Variants in NOP14 observed in about 807,000 individuals in gnomAD.
NOP14 encodes the protein NOP14 nucleolar protein.
NOP14 carries 57 observed loss-of-function variants against 101.6 expected under a neutral mutation model. The ratio of observed to expected loss-of-function variants is 0.56; its 90% CI spans 0.45 to 0.70. The LOEUF is 0.70. NOP14 is among the 30% of genes least tolerant of loss of function. NOP14 has a pLI of 0.00. For synonymous variants in NOP14, 428 were observed against 424.0 expected, an observed-to-expected ratio of 1.01 and a Z score of -0.12; for missense variants, 1,134 against 1,075.5, an observed-to-expected ratio of 1.05 and a Z score of -0.76.
Position 2,953,492 on chromosome 4 carries a change from T to G in NOP14, c.747+19A>C. The G allele has an allele frequency of 6.2e-7, 1 of 1,613,526 alleles. No individual in the cohort carries two copies. The highest frequency in any genetic ancestry group is 8.5e-7 in the Non-Finnish European group (1 of 1,179,694). On this transcript the variant is annotated intron_variant, in intron 5 of 17. Transcript: ENST00000416614. Reference sequence around the variant, plus strand: ...CAAGCTCAGTGAGTGAAGAGTTTGTTTCAGTACTTGGCTCCCACCTTGGGT... The same window carrying G: ...CAAGCTCAGTGAGTGAAGAGTTTGTGTCAGTACTTGGCTCCCACCTTGGGT...
intron 4 of NOP14, among the ~76,000 whole-genome samples, chr4:2,954,032 G>A (rs767434670): frequency 2.6e-5 from 4 of 152,082 alleles, no homozygotes; most frequent in Non-Finnish European, 5.9e-5. Flanking sequence ...GACACAGCAC[G>A]ATCCCCATCT....
intron 13 of NOP14, among the ~76,000 whole-genome samples, chr4:2,942,791 C>T (rs144125356): frequency 0.015 from 2,237 of 152,114 alleles, 50 homozygotes; most frequent in South Asian, 0.098. Flanking sequence ...TCGGGGGTGA[C>T]GGTGGAGGGC....
At chr4:2,955,125 G>A (rs1263511738) in intron 3 of NOP14, among the ~76,000 whole-genome samples, 2 of 139,258 alleles carry the variant, frequency 1.4e-5, no homozygotes, top group Admixed American at 7.1e-5. Flanking sequence ...GCGCCACAGC[G>A]CCCCCTCTAG....
chr4:2,947,402 T>C, intron 10 of NOP14, 124 bp downstream of exon 10: 2 of 721,806 alleles, frequency 2.8e-6, no homozygotes, highest in East Asian at 2.7e-5. Flanking sequence ...CCTGCCCACT[T>C]GGCATGCTGA....
Position 2,938,589 on chromosome 4 carries a change from A to AC in NOP14, c.*241dup, listed in dbSNP as rs900056454. The AC allele has an allele frequency of 1.9e-6, 1 of 522,040 alleles. No individual in the cohort carries two copies. Among genetic ancestry groups the AC allele is most frequent in the African/African-American group, 1.9e-5 (1 of 52,190 alleles). 32.3% of individuals were successfully genotyped at this position (522,040 alleles called of 1,614,324 possible). On this transcript the variant is annotated 3_prime_UTR_variant, in exon 18 of 18. Coordinates refer to ENST00000416614, the MANE Select transcript of NOP14 (RefSeq NM_001291978.2). Reference sequence around the variant, plus strand: ...AGTGGCTCAATCACGGCTCACTGTAACCTTGGACTCAGCTCAAGCAGTCCT... The same window carrying AC: ...AGTGGCTCAATCACGGCTCACTGTAACCCTTGGACTCAGCTCAAGCAGTCCT...
intron 1 of NOP14, among the ~76,000 whole-genome samples, chr4:2,959,408 T>A (rs143152587): frequency 4.7e-4 from 72 of 152,060 alleles, no homozygotes; most frequent in Middle Eastern, 3.4e-3. Context: ...CTGGGTAACA[T>A]GGTGAAACCC....
In NOP14 at chr4:2,963,109, T is replaced by A; in HGVS notation, c.195+16A>T. 6.6e-7 allele frequency: 1 copy of A among 1,525,390 alleles called. No homozygotes were observed. The allele number at this position is 1,525,390 out of a possible 1,614,324, so 94.5% of individuals were successfully genotyped here. A position where few individuals can be genotyped will look rare whatever the true frequency, so the allele number is the denominator to read the frequency against. ...CCAGATCCTGCCTTCCGGCTCCCCG[T>A]GCGCCCCCCGCTTACCTTCCTGAGG... On this transcript the variant is annotated intron_variant, in intron 1 of 17. Coordinates refer to ENST00000416614, the MANE Select transcript of NOP14 (RefSeq NM_001291978.2).
chr4:2,963,387 A>T lies in NOP14; in HGVS notation c.-68T>A. ...AGACAGGCGCGCGCTACCCTAAGAC[A>T]CGTGCCGGGCCGCGGAACCGCTTCC... On this transcript the variant is annotated 5_prime_UTR_variant, in exon 1 of 18. Transcript: ENST00000416614. 7.0e-7 allele frequency: 1 copy of T among 1,427,636 alleles called. No individual in the cohort carries two copies. The highest frequency in any genetic ancestry group is 9.2e-7 in the Non-Finnish European group (1 of 1,088,952). The allele number at this position is 1,427,636 out of a possible 1,614,324, so 88.4% of individuals were successfully genotyped here.
At chr4:2,943,617 G>A (rs545635577) in intron 13 of NOP14, among the ~76,000 whole-genome samples, 2 of 152,380 alleles carry the variant, frequency 1.3e-5, no homozygotes, top group Non-Finnish European at 2.9e-5. Context: ...AAGCGACACA[G>A]CAGCGCGGCC....
rs1714440080 is a variant in NOP14, at chr4:2,944,231, A to T, written c.1738-5T>A. On this transcript the variant is annotated splice_polypyrimidine_tract_variant and splice_region_variant and intron_variant, in intron 12 of 17. Transcript: ENST00000416614. ...CTGGAGGGACAGGATGGGGCACTGG[A>T]AAGGAACATATGGGGGGTTACTGTC... 6.2e-7 allele frequency: 1 copy of T among 1,610,036 alleles called. No individual in the cohort carries two copies. Among genetic ancestry groups the T allele is most frequent in the African/African-American group, 1.3e-5 (1 of 74,668 alleles).
chr4:2,939,625 C>T lies in NOP14; in HGVS notation c.2220G>A (p.Leu740=), dbSNP rs774280149. ...QELQELCQST[L]TEMESQKQLC... Reference sequence around the variant, plus strand: ...GCTGCTTCTGGCTTTCCATTTCGGTCAGTGTGCTCTGACACAGCTCCTGAA... The same window carrying T: ...GCTGCTTCTGGCTTTCCATTTCGGTTAGTGTGCTCTGACACAGCTCCTGAA... Residue 740 remains leucine (L), a synonymous_variant, in exon 16 of 18, where the codon CTG becomes CTA. Transcript: ENST00000416614. 1.9e-6 allele frequency: 3 copies of T among 1,613,740 alleles called. No homozygotes were observed. The highest frequency in any genetic ancestry group is 2.2e-5 in the South Asian group (2 of 91,046).
intron 14 of NOP14, 68 bp downstream of exon 14, chr4:2,942,124 C>T (rs1714247065): frequency 1.3e-6 from 2 of 1,495,514 alleles, no homozygotes; most frequent in Non-Finnish European, 1.8e-6. Context: ...TCAGAAAGCA[C>T]GAGTGGCTTC....
In NOP14 at chr4:2,938,586, G is replaced by A. The variant is rs967367535; in HGVS notation, c.*245C>T. On this transcript the variant is annotated 3_prime_UTR_variant, in exon 18 of 18. Transcript: ENST00000416614. Reference sequence around the variant, plus strand: ...TGCAGTGGCTCAATCACGGCTCACTGTAACCTTGGACTCAGCTCAAGCAGT... The same window carrying A: ...TGCAGTGGCTCAATCACGGCTCACTATAACCTTGGACTCAGCTCAAGCAGT... The A allele has an allele frequency of 3.9e-6, 2 of 516,920 alleles. No individual in the cohort carries two copies. The highest frequency in any genetic ancestry group is 6.9e-6 in the Non-Finnish European group (2 of 290,034). 32.0% of individuals were successfully genotyped at this position (516,920 alleles called of 1,614,324 possible).
chr4:2,961,129 T>C (rs1715826047), intron 1 of NOP14, among the ~76,000 whole-genome samples: 2 of 73,286 alleles, frequency 2.7e-5, no homozygotes, highest in African/African-American at 7.2e-5. Context: ...AATATTATAA[T>C]AATATATTAA....
chr4:2,943,531 G>T (rs1577824683), intron 13 of NOP14, among the ~76,000 whole-genome samples: 1 of 152,230 alleles, frequency 6.6e-6, no homozygotes, highest in African/African-American at 2.4e-5. Flanking sequence ...GCCCAGGAGG[G>T]CAGCCAGTGT....
chr4:2,952,253 TC>T (rs1715072791), intron 6 of NOP14, 21 bp downstream of exon 6: 1 of 1,611,702 alleles, frequency 6.2e-7, no homozygotes, highest in South Asian at 1.1e-5. Flanking sequence ...ACAGCCCTGC[TC>T]CTGAGGTGCT....
At chr4:2,945,413 G>C (rs772527514) in intron 11 of NOP14, among the ~76,000 whole-genome samples, 184 bp from the exon 12 acceptor site, 1 of 152,176 alleles carries the variant, frequency 6.6e-6, no homozygotes, top group Admixed American at 6.5e-5. Context: ...CCAGCTAAAC[G>C]TGCAGTGAGG....
chr4:2,946,314 CA>C, intron 11 of NOP14, 97 bp downstream of exon 11: 1 of 1,420,234 alleles, frequency 7.0e-7, no homozygotes, highest in Non-Finnish European at 9.7e-7. Flanking sequence ...CCTGGAAGCA[CA>C]GGGTACAGCC....
rs183430079 is a variant in NOP14 at position 2,938,075 on chromosome 4, G to C, written c.*756C>G. On this transcript the variant is annotated 3_prime_UTR_variant, in exon 18 of 18. Transcript: ENST00000416614. ...CTTGTCCAGACGCAGTGAACCAGTC[G>C]CAGCTGATAACACACAGACCATTCC... The C allele has an allele frequency of 7.7e-6, 5 of 647,242 alleles. No homozygotes were observed. The highest frequency in any genetic ancestry group is 7.3e-5 in the South Asian group (4 of 54,812). 40.1% of individuals were successfully genotyped at this position (647,242 alleles called of 1,614,324 possible).
Sources: allele counts gnomAD v4.1 joint callset (sites outside exome capture counted in the v4.1 genomes callset), GRCh38; gene constraint gnomAD v4.1.1; transcripts MANE v1.5; gene names NCBI Gene and HGNC (gene_info 2026-07-23, HGNC 2026-07-21).